ATF6: variants seen among roughly 807,000 people sequenced by gnomAD.
ATF6 encodes the protein cyclic AMP-dependent transcription factor ATF-6 alpha.
A neutral mutation model predicts 83.6 loss-of-function variants in ATF6; 53 were observed. The observed-to-expected ratio is 0.63, with a 90% CI of 0.51 to 0.80. ATF6 has a LOEUF of 0.80. Among genes scored for constraint, ATF6 ranks in the 30% least tolerant of loss-of-function variants. The probability of loss-of-function intolerance (pLI) is 0.00; values close to 1 mark genes in which losing one functional copy is unlikely to be tolerated. For synonymous variants in ATF6, 288 were observed against 285.8 expected (o/e 1.01, Z -0.08); for missense variants, 744 against 797.9 (o/e 0.93, Z 0.81).
intron 8 of ATF6, among the ~76,000 whole-genome samples, chr1:161,820,216 C>T (rs1189249981): frequency 6.6e-6 from 1 of 152,202 alleles, no homozygotes. Flanking sequence ...TGTTACTATG[C>T]TGACTCCAAG....
intron 14 of ATF6, among the ~76,000 whole-genome samples, chr1:161,884,593 C>T (rs559393215): frequency 1.3e-5 from 2 of 151,936 alleles, no homozygotes; most frequent in Non-Finnish European, 2.9e-5. Context: ...AATTTTCTGT[C>T]ATTAGTCCAG....
At chr1:161,810,894 C>G (rs907008916) in intron 7 of ATF6, among the ~76,000 whole-genome samples, 2 of 152,160 alleles carry the variant, frequency 1.3e-5, no homozygotes, top group East Asian at 3.9e-4. Flanking sequence ...TTTCACTTAC[C>G]ATATTTTTTT....
chr1:161,809,114 A>G (rs12121182), intron 7 of ATF6, among the ~76,000 whole-genome samples: 41,315 of 152,138 alleles, frequency 0.27, 7,209 homozygotes, highest in Middle Eastern at 0.39. Context: ...TTACATATGT[A>G]TATATGTGCC....
chr1:161,805,266 A>C (rs1298638768), intron 7 of ATF6, among the ~76,000 whole-genome samples: 2 of 152,104 alleles, frequency 1.3e-5, no homozygotes, highest in African/African-American at 4.8e-5. Flanking sequence ...AAATACTTTA[A>C]ATTTACAGAG....
At chr1:161,866,686 G>A (rs935344250) in intron 14 of ATF6, among the ~76,000 whole-genome samples, 1 of 152,184 alleles carries the variant, frequency 6.6e-6, no homozygotes, top group Non-Finnish European at 1.5e-5. Context: ...AAGTCACTTT[G>A]AGTGTAGAAT....
intron 12 of ATF6, 56 bp from the exon 13 acceptor site, chr1:161,860,151 G>A (rs888328844): frequency 8.1e-6 from 10 of 1,240,360 alleles, no homozygotes; most frequent in African/African-American, 3.1e-5. Flanking sequence ...AGTATAGGAA[G>A]ATTTCATATA....
rs931615473 is a variant in ATF6 at position 161,916,147 on chromosome 1, C to T, written c.1804+3767C>T. Among the ~76,000 whole-genome samples the T allele has an allele frequency of 2.6e-5, 4 of 152,318 alleles. No homozygotes were observed. In the East Asian group the frequency reaches 5.8e-4, roughly 22 times the overall value. On this transcript the variant is annotated intron_variant, in intron 15 of 15. Transcript: ENST00000367942. ...ACTCCACTGAAATGCTCTTGCAAAACGGAAGTCAATGACAAATATCTCGCC... is the reference window on the plus strand; with the variant it reads ...ACTCCACTGAAATGCTCTTGCAAAATGGAAGTCAATGACAAATATCTCGCC...
chr1:161,931,098 C>G (rs1688423832), intron 15 of ATF6, among the ~76,000 whole-genome samples: 1 of 152,168 alleles, frequency 6.6e-6, no homozygotes, highest in Admixed American at 6.5e-5. Context: ...TGGTCTCAAA[C>G]TCCTGACCTC....
At chr1:161,840,787 A>G (rs1557989321) in intron 9 of ATF6, among the ~76,000 whole-genome samples, 2 of 152,284 alleles carry the variant, frequency 1.3e-5, no homozygotes, top group East Asian at 1.9e-4. Flanking sequence ...AGCAAGGTTT[A>G]TTGGTGTAAT....
intron 4 of ATF6, 101 bp from the exon 5 acceptor site, chr1:161,791,307 C>A: frequency 1.0e-6 from 1 of 954,148 alleles, no homozygotes; most frequent in Non-Finnish European, 1.5e-6. Context: ...TTTGAAGTTA[C>A]CCTGAAGTGT....
chr1:161,938,444 A>G (rs964784951), intron 15 of ATF6, among the ~76,000 whole-genome samples: 5 of 152,252 alleles, frequency 3.3e-5, no homozygotes, highest in Admixed American at 1.3e-4. Context: ...TATCTGAGAT[A>G]GCCCTTTGAA....
intron 14 of ATF6, among the ~76,000 whole-genome samples, chr1:161,880,079 A>G (rs943498348): frequency 6.6e-6 from 1 of 152,168 alleles, no homozygotes; most frequent in African/African-American, 2.4e-5. Flanking sequence ...TCTTTATACA[A>G]AAATAAAATC....
intron 9 of ATF6, 134 bp downstream of exon 9, chr1:161,821,295 A>G (rs1251779846): frequency 3.6e-6 from 2 of 561,340 alleles, no homozygotes; most frequent in African/African-American, 1.9e-5. Context: ...GACAGGAGCC[A>G]TGCCTTCAAA....
intron 15 of ATF6, among the ~76,000 whole-genome samples, chr1:161,929,838 A>C (rs953194986): frequency 1.1e-4 from 17 of 152,266 alleles, no homozygotes; most frequent in African/African-American, 4.1e-4. Context: ...AAAGTTATAA[A>C]GTCCTAAAGA....
At chr1:161,796,057 T>C (rs879666920) in intron 6 of ATF6, among the ~76,000 whole-genome samples, 4 of 151,696 alleles carry the variant, frequency 2.6e-5, no homozygotes, top group African/African-American at 4.8e-5. Flanking sequence ...TCAAGCCACA[T>C]TTGGCCTTGC....
chr1:161,787,791 T>G (rs570945342), intron 4 of ATF6, among the ~76,000 whole-genome samples: 7 of 152,344 alleles, frequency 4.6e-5, no homozygotes, highest in African/African-American at 1.4e-4. Context: ...ACTATCAAAA[T>G]GATTATTCTA....
intron 6 of ATF6, among the ~76,000 whole-genome samples, chr1:161,797,810 GA>G (rs943627269): frequency 6.6e-6 from 1 of 151,924 alleles, no homozygotes; most frequent in Non-Finnish European, 1.5e-5. Flanking sequence ...ACACAATTAG[GA>G]AAAACTATTC....
intron 5 of ATF6, 105 bp from the exon 6 acceptor site, chr1:161,792,019 C>G: frequency 2.1e-6 from 2 of 945,706 alleles, no homozygotes; most frequent in Non-Finnish European, 3.3e-6. Flanking sequence ...GATTGTTAAT[C>G]GAAGTTAAGA....
intron 7 of ATF6, among the ~76,000 whole-genome samples, chr1:161,809,802 C>T (rs1399715487): frequency 2.0e-5 from 3 of 152,170 alleles, no homozygotes; most frequent in Non-Finnish European, 4.4e-5. Context: ...TGATGATGAG[C>T]ATTTTTTCAT....
Sources: allele counts gnomAD v4.1 joint callset (sites outside exome capture counted in the v4.1 genomes callset), GRCh38; gene constraint gnomAD v4.1.1; transcripts MANE v1.5; gene names NCBI Gene and HGNC (gene_info 2026-07-23, HGNC 2026-07-21).